TBC1D32: variants seen among roughly 807,000 people sequenced by gnomAD.
TBC1D32 encodes protein broad-minded.
In TBC1D32, 151 loss-of-function variants were observed where a neutral mutation model predicts 170.3. The observed-to-expected ratio is 0.89, with a 90% CI of 0.78 to 1.01. The LOEUF (loss-of-function observed/expected upper bound fraction) is 1.01, where lower values mean the gene tolerates loss of function less well. TBC1D32 is among the 50% of genes least tolerant of loss of function. The probability of loss-of-function intolerance (pLI) is 0.00; values close to 1 mark genes in which losing one functional copy is unlikely to be tolerated. For missense variants in TBC1D32, 1,464 were observed against 1,457.1 expected (o/e 1.00, Z -0.08); for synonymous variants, 498 against 488.0 (o/e 1.02, Z -0.27).
At chr6:121,142,299 G>T (rs971602552) in intron 24 of TBC1D32, among the ~76,000 whole-genome samples, 2 of 152,230 alleles carry the variant, frequency 1.3e-5, no homozygotes, top group African/African-American at 4.8e-5. Flanking sequence ...CAAGTGGCAT[G>T]ACTGCCAGTA....
chr6:121,278,164 T>C (rs941041186), intron 15 of TBC1D32, among the ~76,000 whole-genome samples: 2 of 152,154 alleles, frequency 1.3e-5, no homozygotes, highest in African/African-American at 4.8e-5. Flanking sequence ...GGTTTGCTGG[T>C]GAATTTTATA....
At position 121,308,020 on chromosome 6, in the gene TBC1D32, C is replaced by T. The variant is rs374512287; in HGVS notation, c.646G>A (p.Glu216Lys). The T allele has an allele frequency of 1.1e-5, 17 of 1,613,648 alleles. No homozygotes were observed. The highest frequency in any genetic ancestry group is 8.0e-5 in the African/African-American group (6 of 74,908). The change falls in exon 5 of 32, where the codon GAA becomes AAA. Residue 216 changes from glutamate to lysine, a missense_variant. Glu to Lys is a moderately conservative substitution (Grantham distance 56). Coordinates refer to ENST00000398212, the MANE Select transcript of TBC1D32 (RefSeq NM_152730.6). ...LNCENWTTLCEKLTVSLSDPD... is the reference protein window; with the variant it reads ...LNCENWTTLCKKLTVSLSDPD... ...TCTGAAAGAGACACGGTCAGTTTTTCGCAGAGAGTAGTCCAATTTTCACAG... is the reference window on the plus strand; with the variant it reads ...TCTGAAAGAGACACGGTCAGTTTTTTGCAGAGAGTAGTCCAATTTTCACAG...
chr6:121,213,532 A>G (rs1793416306), intron 21 of TBC1D32, among the ~76,000 whole-genome samples: 1 of 126,414 alleles, frequency 7.9e-6, no homozygotes, highest in South Asian at 2.4e-4. Flanking sequence ...AATAAATAAA[A>G]TAAAATAAAA....
chr6:121,174,415 T>G (rs190607782), intron 22 of TBC1D32, among the ~76,000 whole-genome samples: 1 of 152,040 alleles, frequency 6.6e-6, no homozygotes, highest in Non-Finnish European at 1.5e-5. Flanking sequence ...CAGAGTAAAC[T>G]GAATCAAAAG....
intron 27 of TBC1D32, among the ~76,000 whole-genome samples, chr6:121,113,400 T>C (rs1402090331): frequency 6.6e-6 from 1 of 152,222 alleles, no homozygotes; most frequent in Non-Finnish European, 1.5e-5. Flanking sequence ...AACATGATGA[T>C]ATCCTGTAGA....
At chr6:121,316,374 G>A (rs1183442259) in intron 3 of TBC1D32, among the ~76,000 whole-genome samples, 1 of 152,048 alleles carries the variant, frequency 6.6e-6, no homozygotes, top group Admixed American at 6.6e-5. Flanking sequence ...GGTTTTCTGT[G>A]CCTTTTAAGT....
intron 20 of TBC1D32, among the ~76,000 whole-genome samples, chr6:121,232,683 T>A (rs1490105112): frequency 2.0e-5 from 3 of 151,952 alleles, no homozygotes; most frequent in African/African-American, 7.2e-5. Context: ...TTATTTATTT[T>A]TGCAACTATT....
intron 30 of TBC1D32, among the ~76,000 whole-genome samples, chr6:121,097,423 C>A (rs1284845530): frequency 1.2e-4 from 18 of 152,046 alleles, no homozygotes; most frequent in Admixed American, 1.2e-3. Context: ...ATTTATGCAG[C>A]CAACAAACAT....
chr6:121,297,432 G>A (rs1805823546), intron 10 of TBC1D32, among the ~76,000 whole-genome samples: 1 of 152,058 alleles, frequency 6.6e-6, no homozygotes, highest in Non-Finnish European at 1.5e-5. Flanking sequence ...TTTTTAAAAT[G>A]ACTTTCAGAG....
chr6:121,305,337 C>A (rs1253597644), intron 5 of TBC1D32, among the ~76,000 whole-genome samples: 3 of 151,748 alleles, frequency 2.0e-5, no homozygotes, highest in African/African-American at 7.3e-5. Context: ...AAATAGAAAC[C>A]ATTAGAAGGT....
intron 30 of TBC1D32, among the ~76,000 whole-genome samples, chr6:121,100,362 T>C (rs1228792699): frequency 6.6e-6 from 1 of 151,994 alleles, no homozygotes; most frequent in African/African-American, 2.4e-5. Flanking sequence ...ATGTTGACAG[T>C]GGTGTGTTAA....
chr6:121,114,170 T>A (rs1374780722), intron 27 of TBC1D32, among the ~76,000 whole-genome samples: 1 of 151,468 alleles, frequency 6.6e-6, no homozygotes, highest in Non-Finnish European at 1.5e-5. Flanking sequence ...CGAGATTCCA[T>A]CACACACACA....
intron 22 of TBC1D32, among the ~76,000 whole-genome samples, chr6:121,197,341 A>G (rs1790872490): frequency 1.3e-5 from 2 of 152,178 alleles, no homozygotes; most frequent in African/African-American, 4.8e-5. Context: ...CCAAGAAAAA[A>G]ACCATGACCT....
intron 1 of TBC1D32, among the ~76,000 whole-genome samples, chr6:121,328,947 A>G (rs1383686827): frequency 6.6e-6 from 1 of 152,212 alleles, no homozygotes; most frequent in Non-Finnish European, 1.5e-5. Flanking sequence ...AATATCTTTT[A>G]CAAAATATTC....
At chr6:121,238,287 C>T (rs915412598) in intron 20 of TBC1D32, among the ~76,000 whole-genome samples, 5 of 152,094 alleles carry the variant, frequency 3.3e-5, no homozygotes, top group Non-Finnish European at 5.9e-5. Context: ...TCAAGAAATA[C>T]CACTCTATTC....
chr6:121,317,459 C>A (rs1285072945), intron 3 of TBC1D32, 36 bp downstream of exon 3: 1 of 1,438,918 alleles, frequency 6.9e-7, no homozygotes, highest in South Asian at 1.6e-5. Flanking sequence ...TATTAAACAG[C>A]ATTTCAAGAC....
chr6:121,216,737 T>G (rs2133990), intron 21 of TBC1D32, among the ~76,000 whole-genome samples: 12,025 of 152,142 alleles, frequency 0.079, 788 homozygotes, highest in African/African-American at 0.17. Context: ...AACAAAGTGA[T>G]GAAAGAAAAT....
At chr6:121,129,257 CAGTAT>C (rs1384371399) in intron 25 of TBC1D32, among the ~76,000 whole-genome samples, 1 of 152,120 alleles carries the variant, frequency 6.6e-6, no homozygotes, top group Non-Finnish European at 1.5e-5. Flanking sequence ...TTTTCACTTT[CAGTAT>C]AGTATTCAAG....
At chr6:121,092,359 G>C (rs1582727877) in intron 30 of TBC1D32, among the ~76,000 whole-genome samples, 2 of 119,742 alleles carry the variant, frequency 1.7e-5, no homozygotes, top group African/African-American at 6.6e-5. Context: ...AGATTTAATG[G>C]CTTATCTCAA....
Sources: gnomAD v4.1 joint callset for allele counts (sites outside exome capture counted in the v4.1 genomes callset) on GRCh38, gnomAD v4.1.1 for gene constraint, MANE v1.5 for transcripts, NCBI Gene and HGNC (gene_info 2026-07-23, HGNC 2026-07-21) for gene names.